DNAJC5G: variants seen among roughly 807,000 people sequenced by gnomAD.
DNAJC5G encodes DnaJ heat shock protein family (Hsp40) member C5 gamma.
Under a neutral mutation model 19.1 loss-of-function variants are expected in DNAJC5G, and 13 were observed. The ratio of observed to expected loss-of-function variants is 0.68; its 90% confidence interval spans 0.44 to 1.08. DNAJC5G has a LOEUF of 1.08. DNAJC5G is among the 50% of genes least tolerant of loss of function. The pLI is 0.00. For missense variants in DNAJC5G, 245 were observed against 230.4 expected (o/e 1.06, Z -0.41); for synonymous variants, 81 against 84.4 (o/e 0.96, Z 0.22).
In DNAJC5G at chr2:27,278,028, C is replaced by G; in HGVS notation, c.375+13C>G. ...TTGTTGGTTCAAGGTACACAATTCT[C>G]CAGGTCCTTTAAGAATAAGGAAAGA... On this transcript the variant is annotated intron_variant, in intron 4 of 6. Transcript: ENST00000296097. The G allele has an allele frequency of 6.2e-7, 1 of 1,612,280 alleles. No individual in the cohort carries two copies. The highest frequency in any genetic ancestry group is 8.5e-7 in the Non-Finnish European group (1 of 1,178,862).
At chr2:27,277,693 C>T (rs575820944) in intron 3 of DNAJC5G, 61 bp from the exon 4 acceptor site, 3 of 1,590,266 alleles carry the variant, frequency 1.9e-6, no homozygotes, top group African/African-American at 1.3e-5. Context: ...ACATCTCATG[C>T]ATTCCTTCTG....
rs921380850 is a variant in DNAJC5G, at chr2:27,275,480, G to A, written c.-359G>A. On this transcript the variant is annotated 5_prime_UTR_variant, in exon 1 of 7. Transcript: ENST00000296097. ...CTGCGCACAAGCGCAGTCAACTGCT[G>A]GACCCGGCCGGTGTGAAGTTTCACA... 8.3e-5 allele frequency: 28 copies of A among 337,188 alleles called. No individual in the cohort carries two copies. The highest frequency in any genetic ancestry group is 5.4e-4 in the African/African-American group (25 of 46,454). 20.9% of individuals were successfully genotyped at this position (337,188 alleles called of 1,614,324 possible).
At chr2:27,275,583 G>A (rs191258273) in intron 1 of DNAJC5G, 30 bp downstream of exon 1, 9 of 297,316 alleles carry the variant, frequency 3.0e-5, no homozygotes, top group Non-Finnish European at 5.3e-5. Context: ...TGAGGAGTCG[G>A]CACAGGGCCA....
chr2:27,280,091 C>T (rs1678301136), intron 5 of DNAJC5G, 75 bp from the exon 6 acceptor site: 3 of 1,424,000 alleles, frequency 2.1e-6, no homozygotes, highest in Non-Finnish European at 2.0e-6. Context: ...TGCAAGGTAA[C>T]GGTTTTCTCA....
intron 2 of DNAJC5G, 165 bp downstream of exon 2, chr2:27,276,552 C>G (rs1431382281): frequency 1.8e-6 from 1 of 562,454 alleles, no homozygotes; most frequent in Non-Finnish European, 3.1e-6. Context: ...TTTCTGATCA[C>G]CTGAATTCTC....
chr2:27,277,810 C>T lies in DNAJC5G; in HGVS notation c.170C>T (p.Ala57Val). 1 of 1,614,108 alleles carries T rather than the reference C, an allele frequency of 6.2e-7. No homozygotes were observed. The highest frequency in any genetic ancestry group is 1.1e-5 in the South Asian group (1 of 91,066). ...PFEYHLGRKL[A>V]LRYHPDKNPG... ...GAGTATCACCTGGGTAGGAAACTGG[C>T]CTTGCGGTATCATCCCGACAAGAAT... Residue 57 changes from alanine (A) to valine (V), a missense_variant, in exon 4 of 7, where the codon GCC becomes GTC. Transcript: ENST00000296097.
At chr2:27,277,492 G>A (rs1678155755) in intron 3 of DNAJC5G, among the ~76,000 whole-genome samples, 1 of 151,858 alleles carries the variant, frequency 6.6e-6, no homozygotes, top group Admixed American at 6.6e-5. Context: ...TCAAACTCCT[G>A]ACCTCATGAT....
intron 3 of DNAJC5G, 82 bp downstream of exon 3, chr2:27,276,923 CTTTTTTTTTTTT>C: frequency 1.9e-6 from 1 of 514,724 alleles, no homozygotes; most frequent in Non-Finnish European, 3.0e-6. Context: ...CTATCTGACT[CTTTTTTTTTTTT>C]TTTTTTTTTG....
rs149024695 is a variant in DNAJC5G, at chr2:27,277,809, G to C, written c.169G>C (p.Ala57Pro). The C allele has an allele frequency of 6.2e-7, 1 of 1,614,082 alleles. No homozygotes were observed. Among genetic ancestry groups the C allele is most frequent in the Non-Finnish European group, 8.5e-7 (1 of 1,180,022 alleles). The change falls in exon 4 of 7, where the codon GCC becomes CCC. Residue 57 changes from alanine (A) to proline (P), a missense_variant. Physicochemically the swap from Ala to Pro is conservative, Grantham distance 27. Coordinates refer to ENST00000296097, the MANE Select transcript of DNAJC5G (RefSeq NM_173650.3). ...TGAGTATCACCTGGGTAGGAAACTG[G>C]CCTTGCGGTATCATCCCGACAAGAA... ...PFEYHLGRKL[A>P]LRYHPDKNPG...
chr2:27,275,914 T>C (rs1186951366), intron 1 of DNAJC5G, 192 bp from the exon 2 acceptor site: 1 of 119,070 alleles, frequency 8.4e-6, no homozygotes, highest in African/African-American at 3.3e-5. Context: ...CTAGGACACT[T>C]GACTTCTGTT....
At chr2:27,277,405 G>A (rs1294865733) in intron 3 of DNAJC5G, among the ~76,000 whole-genome samples, 2 of 151,816 alleles carry the variant, frequency 1.3e-5, no homozygotes, top group Non-Finnish European at 2.9e-5. Context: ...TGGGATTACA[G>A]GTGCCTGCCA....
In DNAJC5G at chr2:27,280,938, C is replaced by G. The variant is rs1399657226; in HGVS notation, c.*528C>G. The G allele has an allele frequency of 6.6e-6, 1 of 152,370 alleles. No homozygotes were observed. The highest frequency in any genetic ancestry group is 1.5e-5 in the Non-Finnish European group (1 of 68,078). The allele number at this position is 152,370 out of a possible 1,614,324, so 9.4% of individuals were successfully genotyped here. On this transcript the variant is annotated 3_prime_UTR_variant, in exon 7 of 7. Coordinates refer to ENST00000296097, the MANE Select transcript of DNAJC5G (RefSeq NM_173650.3). ...CCCTAGCATCAGCCTCATTCCTAAG[C>G]CAATAACGCCTGTATGGAGTTGGTT...
intron 6 of DNAJC5G, 38 bp from the exon 7 acceptor site, chr2:27,280,391 C>T: frequency 1.5e-6 from 1 of 659,244 alleles, no homozygotes; most frequent in Non-Finnish European, 2.6e-6. Context: ...GTAATTATTC[C>T]TTCTGATTAA....
chr2:27,277,742 C>G lies in DNAJC5G; in HGVS notation c.114-12C>G. On this transcript the variant is annotated splice_polypyrimidine_tract_variant and intron_variant, in intron 3 of 6. Transcript: ENST00000296097. ...CTAATCCATGTCATTCATCGTAAGTCTCCTTCCCCAGCCATTCCGCATTGC... is the reference window on the plus strand; with the variant it reads ...CTAATCCATGTCATTCATCGTAAGTGTCCTTCCCCAGCCATTCCGCATTGC... 1 of 1,613,742 alleles carries G rather than the reference C, an allele frequency of 6.2e-7. No individual in the cohort carries two copies. Among genetic ancestry groups the G allele is most frequent in the Non-Finnish European group, 8.5e-7 (1 of 1,179,722 alleles).
In DNAJC5G at chr2:27,275,507, C is replaced by T. The variant is rs1677981491; in HGVS notation, c.-332C>T. 3.0e-6 allele frequency: 1 copy of T among 328,488 alleles called. No homozygotes were observed. Among genetic ancestry groups the T allele is most frequent in the African/African-American group, 2.2e-5 (1 of 46,186 alleles). The allele number at this position is 328,488 out of a possible 1,614,324, so 20.3% of individuals were successfully genotyped here. On this transcript the variant is annotated 5_prime_UTR_variant, in exon 1 of 7. Transcript: ENST00000296097. The stretch of plus-strand genomic sequence containing the variant: ...ACCCGGCCGGTGTGAAGTTTCACAC[C>T]CAAAAGGATGAAGGGCACCCACCTG...
Position 27,276,356 on chromosome 2 carries a change from A to T in DNAJC5G, c.-35A>T, listed in dbSNP as rs1223414425. ...CCCTGGTCTTTCAAACCCAGCAGTG[A>T]GCTTGGACAGACCCAGAGGTGTTTA... On this transcript the variant is annotated 5_prime_UTR_variant, in exon 2 of 7. Coordinates refer to ENST00000296097, the MANE Select transcript of DNAJC5G (RefSeq NM_173650.3). 1.8e-5 allele frequency: 3 copies of T among 167,294 alleles called. No homozygotes were observed. The highest frequency in any genetic ancestry group is 3.8e-5 in the Non-Finnish European group (3 of 78,126). The allele number at this position is 167,294 out of a possible 1,614,324, so 10.4% of individuals were successfully genotyped here.
At chr2:27,279,169 A>G (rs1033520160) in intron 5 of DNAJC5G, among the ~76,000 whole-genome samples, 3 of 152,228 alleles carry the variant, frequency 2.0e-5, no homozygotes, top group African/African-American at 7.2e-5. Context: ...TCACACGACA[A>G]ACTGACAGTT....
rs1678324578 is a variant in DNAJC5G at position 27,280,533 on chromosome 2, C to T, written c.*123C>T. On this transcript the variant is annotated 3_prime_UTR_variant, in exon 7 of 7. Coordinates refer to ENST00000296097, the MANE Select transcript of DNAJC5G (RefSeq NM_173650.3). ...CATTGACCCTGATTTGACCCCTCTT[C>T]TTATAAGGATCTCAAGAATCTCTTC... is the stretch of plus-strand genomic sequence containing the variant. 7.4e-6 allele frequency: 2 copies of T among 270,794 alleles called. No homozygotes were observed. Among genetic ancestry groups the T allele is most frequent in the South Asian group, 1.2e-4 (2 of 17,350 alleles). The allele number at this position is 270,794 out of a possible 1,614,324, so 16.8% of individuals were successfully genotyped here.
chr2:27,277,505 GC>G (rs1678157162), intron 3 of DNAJC5G, among the ~76,000 whole-genome samples: 2 of 151,152 alleles, frequency 1.3e-5, no homozygotes, highest in African/African-American at 4.9e-5. Flanking sequence ...CTCATGATCC[GC>G]CCACCTTGGC....
Sources: gnomAD v4.1 joint callset for allele counts (sites outside exome capture counted in the v4.1 genomes callset) on GRCh38, gnomAD v4.1.1 for gene constraint, MANE v1.5 for transcripts, NCBI Gene and HGNC (gene_info 2026-07-23, HGNC 2026-07-21) for gene names.